SASH1: variants seen among roughly 807,000 people sequenced by gnomAD.
SASH1 encodes the protein SAM and SH3 domain containing 1, also known as SAM and SH3 domain-containing protein 1.
Under a neutral mutation model 125.2 loss-of-function variants are expected in SASH1, and 44 were observed. The ratio of observed to expected loss-of-function variants is 0.35; its 90% CI spans 0.28 to 0.45. The LOEUF (loss-of-function observed/expected upper bound fraction) is 0.45, where lower values mean the gene tolerates loss of function less well. Among genes scored for constraint, SASH1 ranks in the 20% least tolerant of loss-of-function variants. The pLI is 1.00. For synonymous variants in SASH1, 639 were observed against 649.1 expected (o/e 0.98, Z 0.24); for missense variants, 1,426 against 1,614.5 (o/e 0.88, Z 2.00).
rs193290202 is a variant in SASH1 at position 148,411,152 on chromosome 6, C to T, written c.285+20890C>T. On this transcript the variant is annotated intron_variant, in intron 2 of 19. Coordinates refer to ENST00000367467, the MANE Select transcript of SASH1 (RefSeq NM_015278.5). ...CCAGCCTGAGTGCCTACAACAAGAGCGAAACTCCATCTCCAAAAAAAAAAA... is the reference window on the plus strand; with the variant it reads ...CCAGCCTGAGTGCCTACAACAAGAGTGAAACTCCATCTCCAAAAAAAAAAA... 4.1e-3 allele frequency among the ~76,000 whole-genome samples: 391 copies of T among 94,766 alleles called. 2 individuals carry two copies. The highest frequency in any genetic ancestry group is 0.015 in the Middle Eastern group (1 of 66). The allele number at this position is 94,766 out of a possible 152,430, so 62.2% of individuals were successfully genotyped here. A position where few individuals can be genotyped will look rare whatever the true frequency, so the allele number is the denominator to read the frequency against.
At chr6:148,279,158 A>C (rs914159009) in intron 1 of SASH1, among the ~76,000 whole-genome samples, 1 of 151,964 alleles carries the variant, frequency 6.6e-6, no homozygotes, top group Non-Finnish European at 1.5e-5. Flanking sequence ...TGCCCGGCTA[A>C]TTTTTTGTAT....
intron 1 of SASH1, among the ~76,000 whole-genome samples, chr6:148,346,191 C>T (rs897060295): frequency 1.3e-5 from 2 of 152,104 alleles, no homozygotes; most frequent in African/African-American, 4.8e-5. Flanking sequence ...GCAGTTGTCC[C>T]CCAGGGGATT....
At chr6:148,277,543 C>G (rs1562302029) in intron 1 of SASH1, among the ~76,000 whole-genome samples, 1 of 152,238 alleles carries the variant, frequency 6.6e-6, no homozygotes, top group East Asian at 1.9e-4. Flanking sequence ...AGGACATTAT[C>G]CTTATTCCAG....
In SASH1 at chr6:148,532,860, A is replaced by G; in HGVS notation, c.1628A>G (p.Asp543Gly). 6.2e-7 allele frequency: 1 copy of G among 1,614,226 alleles called. No individual in the cohort carries two copies. The highest frequency in any genetic ancestry group is 8.5e-7 in the Non-Finnish European group (1 of 1,180,044). ...TSNRESVKSE[D>G]GDDEEPPYRG... is the part of the protein sequence containing the mutation. ...AACCGGGAAAGCGTCAAGTCGGAAG[A>G]TGGGGATGACGAAGAGCCGCCTTAC... The change falls in exon 14 of 20, where the codon GAT becomes GGT. Residue 543 changes from aspartate to glycine, a missense_variant. Coordinates refer to ENST00000367467, the MANE Select transcript of SASH1 (RefSeq NM_015278.5). The surrounding 1 kb of genome is among the most constrained non-coding windows in gnomAD (Gnocchi z 4.7).
At chr6:148,213,533 T>TGTGTGTGTGTGTGTGTG in the SASH1 span, among the ~76,000 whole-genome samples, 16 of 151,380 alleles carry the variant, frequency 1.1e-4, no homozygotes, top group South Asian at 8.4e-4. Flanking sequence ...TGTGTGTGTG[T>TGTGTGTGTGTGTGTGTG]TTAAAGTGTT....
At chr6:148,445,814 G>T (rs906601874) in intron 4 of SASH1, among the ~76,000 whole-genome samples, 1 of 152,102 alleles carries the variant, frequency 6.6e-6, no homozygotes. Context: ...TCATTTCCTC[G>T]TGCAGCAGCT....
chr6:148,297,552 G>A (rs2128511250), intron 1 of SASH1, among the ~76,000 whole-genome samples: 1 of 152,284 alleles, frequency 6.6e-6, no homozygotes, highest in South Asian at 2.1e-4. Flanking sequence ...AAAAATTATT[G>A]TCCGGGTGTG....
At chr6:148,199,388 A>G in the SASH1 span, among the ~76,000 whole-genome samples, 1 of 150,356 alleles carries the variant, frequency 6.7e-6, no homozygotes, top group Non-Finnish European at 1.5e-5. Flanking sequence ...AAAAAAAAAA[A>G]AAACTGAGCT....
chr6:148,426,926 G>T (rs1373438654), intron 2 of SASH1, among the ~76,000 whole-genome samples: 5 of 152,114 alleles, frequency 3.3e-5, no homozygotes, highest in African/African-American at 9.7e-5. Context: ...TTGAGACCAG[G>T]AGTTTGAGAC....
chr6:148,520,076 C>T (rs1780715137), intron 10 of SASH1, 183 bp downstream of exon 10: 1 of 583,750 alleles, frequency 1.7e-6, no homozygotes. Context: ...CCAGCACCAC[C>T]TGTGACCTGC....
chr6:148,429,989 T>C (rs1431600471), intron 2 of SASH1, among the ~76,000 whole-genome samples: 1 of 151,958 alleles, frequency 6.6e-6, no homozygotes, highest in Non-Finnish European at 1.5e-5. Flanking sequence ...AGTAGAAGAG[T>C]CGCTACCCAT....
chr6:148,525,317 C>T lies in SASH1; in HGVS notation c.1236C>T (p.Asp412=). The T allele has an allele frequency of 6.2e-7, 1 of 1,614,096 alleles. No individual in the cohort carries two copies. Among genetic ancestry groups the T allele is most frequent in the Non-Finnish European group, 8.5e-7 (1 of 1,179,990 alleles). ...GAACCTGCAGTTTTGGAGGATTTGA[C>T]TTGACGAATCGCTCTCTGCACGTTG... The part of the protein sequence containing the change: ...HGRTCSFGGF[D]LTNRSLHVGS... Residue 412 remains aspartate (D), a synonymous_variant, in exon 11 of 20, where the codon GAC becomes GAT. Coordinates refer to ENST00000367467, the MANE Select transcript of SASH1 (RefSeq NM_015278.5).
intron 1 of SASH1, among the ~76,000 whole-genome samples, chr6:148,375,984 G>A (rs988315296): frequency 6.6e-6 from 1 of 152,176 alleles, no homozygotes; most frequent in African/African-American, 2.4e-5. Flanking sequence ...CACTGTACTT[G>A]GAGAGGGCTA....
intron 2 of SASH1, among the ~76,000 whole-genome samples, chr6:148,412,900 T>C (rs990247332): frequency 3.9e-5 from 6 of 152,258 alleles, no homozygotes; most frequent in Non-Finnish European, 7.3e-5. Flanking sequence ...GTCGTGTTCC[T>C]TAAAGCAGCT....
chr6:148,517,460 T>C (rs1780506676), intron 9 of SASH1, among the ~76,000 whole-genome samples: 1 of 152,238 alleles, frequency 6.6e-6, no homozygotes, highest in East Asian at 1.9e-4. Context: ...GAGCTCATCT[T>C]GATGGTCACT....
chr6:148,453,053 C>T (rs1777180478), intron 4 of SASH1, among the ~76,000 whole-genome samples: 1 of 152,228 alleles, frequency 6.6e-6, no homozygotes, highest in Admixed American at 6.5e-5. Flanking sequence ...GTAGGAGCAG[C>T]TGGTCCACAA....
chr6:148,391,002 C>T (rs1259714213), intron 2 of SASH1, among the ~76,000 whole-genome samples: 1 of 151,534 alleles, frequency 6.6e-6, no homozygotes, highest in East Asian at 1.9e-4. Flanking sequence ...CAATAAATCA[C>T]CTGTAGTCCC....
rs901919909 is a variant in SASH1, at chr6:148,549,406, T to TGTGC, written c.*862_*865dup. The stretch of plus-strand genomic sequence containing the variant: ...ATCTGAAATTCACAAATATCATGTG[T>TGTGC]GTGCGTGCGTGCGTGCGCGTGTGTG... On this transcript the variant is annotated 3_prime_UTR_variant, in exon 20 of 20. Coordinates refer to ENST00000367467, the MANE Select transcript of SASH1 (RefSeq NM_015278.5). 2.1e-5 allele frequency: 8 copies of TGTGC among 388,050 alleles called. No individual in the cohort carries two copies. Among genetic ancestry groups the TGTGC allele is most frequent in the African/African-American group, 4.1e-5 (2 of 48,386 alleles). The allele number at this position is 388,050 out of a possible 1,614,324, so 24.0% of individuals were successfully genotyped here.
At chr6:148,255,095 G>C in the SASH1 span, among the ~76,000 whole-genome samples, 1 of 152,154 alleles carries the variant, frequency 6.6e-6, no homozygotes, top group African/African-American at 2.4e-5. Context: ...CTAAGTGAAA[G>C]ACGCCAGACA....
Sources: allele counts gnomAD v4.1 joint callset (sites outside exome capture counted in the v4.1 genomes callset), GRCh38; gene constraint gnomAD v4.1.1; non-coding constraint Gnocchi (gnomAD v3.1); transcripts MANE v1.5; gene names NCBI Gene and HGNC (gene_info 2026-07-23, HGNC 2026-07-21).